VGLL3: variants seen among roughly 807,000 people sequenced by gnomAD.
The protein encoded by VGLL3 is vestigial like family member 3.
A neutral mutation model predicts 29.2 loss-of-function variants in VGLL3; 18 were observed. That is an observed-to-expected ratio of 0.62 (90% CI 0.43 to 0.91). VGLL3 has a LOEUF of 0.91. Among genes scored for constraint, VGLL3 ranks in the 40% least tolerant of loss-of-function variants. The probability of loss-of-function intolerance (pLI) is 0.00; values close to 1 mark genes in which losing one functional copy is unlikely to be tolerated. For synonymous variants in VGLL3, 180 were observed against 151.8 expected, an observed-to-expected ratio of 1.19 and a Z score of -1.36; for missense variants, 440 against 413.2, an observed-to-expected ratio of 1.06 and a Z score of -0.56.
chr3:86,948,536 C>A (rs1559718916), intron 3 of VGLL3, among the ~76,000 whole-genome samples: 1 of 152,042 alleles, frequency 6.6e-6, no homozygotes, highest in Non-Finnish European at 1.5e-5. Flanking sequence ...ATGTAACTAA[C>A]CTGCACATTG....
intron 3 of VGLL3, among the ~76,000 whole-genome samples, chr3:86,950,145 A>G (rs575084427): frequency 1.3e-5 from 2 of 152,174 alleles, no homozygotes; most frequent in African/African-American, 4.8e-5. Flanking sequence ...ATATCCTGAG[A>G]TTTCCCCACT....
chr3:86,968,154 A>G (rs1182361191), intron 3 of VGLL3, among the ~76,000 whole-genome samples: 1 of 152,190 alleles, frequency 6.6e-6, no homozygotes, highest in African/African-American at 2.4e-5. Flanking sequence ...ACTATAGACT[A>G]TATTTCAGAA....
chr3:86,951,501 A>T (rs1704616860), intron 3 of VGLL3, among the ~76,000 whole-genome samples: 1 of 152,200 alleles, frequency 6.6e-6, no homozygotes, highest in East Asian at 1.9e-4. Flanking sequence ...CTAAGATTTC[A>T]ACATATGAAT....
intron 3 of VGLL3, among the ~76,000 whole-genome samples, chr3:86,968,333 G>A (rs1705007528): frequency 6.6e-6 from 1 of 152,106 alleles, no homozygotes; most frequent in Non-Finnish European, 1.5e-5. Context: ...AGGTACCAGA[G>A]ATTCCATTTC....
intron 1 of VGLL3, chr3:86,990,403 T>C: frequency 2.0e-6 from 2 of 984,676 alleles, no homozygotes; most frequent in Non-Finnish European, 2.4e-6. Flanking sequence ...CACAGCTCAA[T>C]GAAGCCCCCA....
At position 86,942,573 on chromosome 3, in the gene VGLL3, A is replaced by G. The variant is rs1442816684; in HGVS notation, c.*4451T>C. 1 of 152,194 alleles carries G rather than the reference A, an allele frequency of 6.6e-6. No homozygotes were observed. The highest frequency in any genetic ancestry group is 1.5e-5 in the Non-Finnish European group (1 of 68,028). The allele number at this position is 152,194 out of a possible 1,614,324, so 9.4% of individuals were successfully genotyped here. A position where few individuals can be genotyped will look rare whatever the true frequency, so the allele number is the denominator to read the frequency against. ...ATGTTCTTATCCTAGGTGCCAAGGA[A>G]GTTTGATATATAACTAAAAATATAA... is the stretch of plus-strand genomic sequence containing the variant. On this transcript the variant is annotated 3_prime_UTR_variant, in exon 4 of 4. Coordinates refer to ENST00000398399, the MANE Select transcript of VGLL3 (RefSeq NM_016206.4).
Position 86,962,661 on chromosome 3 carries a change from TA to T in VGLL3, c.937+5928del, listed in dbSNP as rs901631254. ...CATAAAATAAAAAGTGAGGTTCTCT[TA>T]ACCCCACAGTTCTACTCCTAGATAT... On this transcript the variant is annotated intron_variant, in intron 3 of 3. Transcript: ENST00000398399. 2.4e-5 allele frequency: 21 copies of T among 875,446 alleles called. No homozygotes were observed. The Admixed American group carries it at 1.2e-3, about 52-fold the overall frequency. The allele number at this position is 875,446 out of a possible 1,614,324, so 54.2% of individuals were successfully genotyped here.
At chr3:86,962,511 A>G in intron 3 of VGLL3, 1 of 985,352 alleles carries the variant, frequency 1.0e-6, no homozygotes, top group Non-Finnish European at 1.2e-6. Context: ...CTACTATAAT[A>G]TGTTGTAATG....
chr3:86,966,114 A>C (rs1051528507), intron 3 of VGLL3, among the ~76,000 whole-genome samples: 32 of 152,038 alleles, frequency 2.1e-4, no homozygotes, highest in Non-Finnish European at 3.1e-4. Flanking sequence ...ATGATGGTGC[A>C]TTGTCCTCCT....
chr3:86,967,393 T>TA (rs1379403251), intron 3 of VGLL3, among the ~76,000 whole-genome samples: 3 of 152,216 alleles, frequency 2.0e-5, no homozygotes, highest in African/African-American at 7.2e-5. Flanking sequence ...AGTCCCCTGA[T>TA]ACTTTGTTTA....
rs1350310910 is a variant in VGLL3, at chr3:86,943,990, A to C, written c.*3034T>G. On this transcript the variant is annotated 3_prime_UTR_variant, in exon 4 of 4. Coordinates refer to ENST00000398399, the MANE Select transcript of VGLL3 (RefSeq NM_016206.4). ...TTGTGGAGGCAGATAGTAGCCCTCA[A>C]TAAAACAGTTCGGAAGCCTCTAAGT... The C allele has an allele frequency of 6.6e-6, 1 of 152,216 alleles. No individual in the cohort carries two copies. Among genetic ancestry groups the C allele is most frequent in the South Asian group, 2.1e-4 (1 of 4,832 alleles). The allele number at this position is 152,216 out of a possible 1,614,324, so 9.4% of individuals were successfully genotyped here.
rs1018064907 is a variant in VGLL3 at position 86,943,244 on chromosome 3, T to C, written c.*3780A>G. ...ATATATACTTTCCTTTTTCCACCAC[T>C]TAACGCCACTGCCCCCATCGGCTTA... On this transcript the variant is annotated 3_prime_UTR_variant, in exon 4 of 4. Coordinates refer to ENST00000398399, the MANE Select transcript of VGLL3 (RefSeq NM_016206.4). The C allele has an allele frequency of 9.9e-5, 15 of 152,170 alleles. No individual in the cohort carries two copies. The highest frequency in any genetic ancestry group is 2.9e-4 in the African/African-American group (12 of 41,436). The allele number at this position is 152,170 out of a possible 1,614,324, so 9.4% of individuals were successfully genotyped here. A position where few individuals can be genotyped will look rare whatever the true frequency, so the allele number is the denominator to read the frequency against.
chr3:86,947,349 G>A (rs1350406301), intron 3 of VGLL3, among the ~76,000 whole-genome samples: 2 of 152,134 alleles, frequency 1.3e-5, no homozygotes, highest in Non-Finnish European at 2.9e-5. Flanking sequence ...TGGAGTATGA[G>A]TGAATAGTAA....
rs745611246 is a variant in VGLL3, at chr3:86,938,049, T to C, written c.*8975A>G. On this transcript the variant is annotated 3_prime_UTR_variant, in exon 4 of 4. Transcript: ENST00000398399. Reference sequence around the variant, plus strand: ...ACATAGCATGATATCATGTCACCCATTGATCCTTGATTAGTCCTGAAGTTA... The same window carrying C: ...ACATAGCATGATATCATGTCACCCACTGATCCTTGATTAGTCCTGAAGTTA... The C allele has an allele frequency of 2.0e-5, 3 of 152,234 alleles. No individual in the cohort carries two copies. The highest frequency in any genetic ancestry group is 2.9e-5 in the Non-Finnish European group (2 of 68,040). 9.4% of individuals were successfully genotyped at this position (152,234 alleles called of 1,614,324 possible). A position where few individuals can be genotyped will look rare whatever the true frequency, so the allele number is the denominator to read the frequency against.
Position 86,944,736 on chromosome 3 carries a change from G to C in VGLL3, c.*2288C>G, listed in dbSNP as rs1704470821. 1 of 152,120 alleles carries C rather than the reference G, an allele frequency of 6.6e-6. No homozygotes were observed. Among genetic ancestry groups the C allele is most frequent in the Non-Finnish European group, 1.5e-5 (1 of 68,026 alleles). 9.4% of individuals were successfully genotyped at this position (152,120 alleles called of 1,614,324 possible). A position where few individuals can be genotyped will look rare whatever the true frequency, so the allele number is the denominator to read the frequency against. On this transcript the variant is annotated 3_prime_UTR_variant, in exon 4 of 4. Coordinates refer to ENST00000398399, the MANE Select transcript of VGLL3 (RefSeq NM_016206.4). ...TAATTAATGCCCTTCAATTAAATTTGGTGGAAAATAAGAAATGGAGCTAGG... is the reference window on the plus strand; with the variant it reads ...TAATTAATGCCCTTCAATTAAATTTCGTGGAAAATAAGAAATGGAGCTAGG...
intron 1 of VGLL3, among the ~76,000 whole-genome samples, chr3:86,986,150 C>G (rs1352010280): frequency 1.3e-5 from 2 of 151,988 alleles, no homozygotes; most frequent in African/African-American, 4.8e-5. Flanking sequence ...CTAAACACCT[C>G]TTTTACCATC....
chr3:86,950,375 T>C (rs1898269), intron 3 of VGLL3, among the ~76,000 whole-genome samples: 109,563 of 152,078 alleles, frequency 0.72, 39,773 homozygotes, highest in East Asian at 0.77. Flanking sequence ...AAATAATACT[T>C]ATTTTACAAA....
intron 3 of VGLL3, among the ~76,000 whole-genome samples, chr3:86,967,678 T>A (rs1471390787): frequency 1.3e-5 from 2 of 152,178 alleles, no homozygotes; most frequent in African/African-American, 4.8e-5. Context: ...TGCCACAAAA[T>A]GTTCTAGCAA....
chr3:86,962,769 G>A (rs1704879986), intron 3 of VGLL3: 1 of 461,020 alleles, frequency 2.2e-6, no homozygotes, highest in Non-Finnish European at 2.9e-6. Flanking sequence ...TGTAATCCCA[G>A]CACCTTGGGA....
Sources: gnomAD v4.1 joint callset for allele counts (sites outside exome capture counted in the v4.1 genomes callset) on GRCh38, gnomAD v4.1.1 for gene constraint, MANE v1.5 for transcripts, NCBI Gene and HGNC (gene_info 2026-07-23, HGNC 2026-07-21) for gene names.